Variants in THNSL1 observed in about 807,000 individuals in gnomAD.
The protein encoded by THNSL1 is threonine synthase-like 1.
Under a neutral mutation model 50.4 loss-of-function variants are expected in THNSL1, and 48 were observed. That is an observed-to-expected ratio of 0.95 (90% confidence interval 0.76 to 1.21). The LOEUF (loss-of-function observed/expected upper bound fraction) is 1.21. THNSL1 is among the 50% of genes most tolerant of loss of function. The pLI, the probability that THNSL1 is intolerant of heterozygous loss-of-function variation, is 0.00. For missense variants in THNSL1, 896 were observed against 871.7 expected (o/e 1.03, Z -0.35); for synonymous variants, 309 against 306.1 (o/e 1.01, Z -0.10).
chr10:24,956,929 TAGGTTG>T, the THNSL1 span, among the ~76,000 whole-genome samples: 1 of 152,156 alleles, frequency 6.6e-6, no homozygotes, highest in African/African-American at 2.4e-5. Context: ...GGGAGGGATC[TAGGTTG>T]CATGCTCCTT....
chr10:25,025,327 C>G lies in THNSL1; in HGVS notation c.2104C>G (p.Pro702Ala), dbSNP rs1490673567. Reference sequence around the variant, plus strand: ...TTTGCTGGGTTCATACAATGCATTACCTCCACTGCATGAGGCTTTATTAGA... The same window carrying G: ...TTTGCTGGGTTCATACAATGCATTAGCTCCACTGCATGAGGCTTTATTAGA... The part of the protein sequence containing the change: ...LYLLGSYNAL[P>A]PLHEALLERT... The change falls in exon 3 of 3, where the codon CCT (proline) becomes GCT (alanine). Residue 702 changes from proline (P) to alanine (A), a missense_variant. By Grantham distance (27) the Pro-to-Ala change is conservative. Coordinates refer to ENST00000376356, the MANE Select transcript of THNSL1 (RefSeq NM_024838.5). 1 of 1,614,156 alleles carries G rather than the reference C, an allele frequency of 6.2e-7. No individual in the cohort carries two copies. The highest frequency in any genetic ancestry group is 8.5e-7 in the Non-Finnish European group (1 of 1,180,026).
the THNSL1 span, chr10:24,983,599 CA>C: frequency 6.6e-6 from 1 of 152,104 alleles, no homozygotes; most frequent in Non-Finnish European, 1.5e-5. Context: ...GGACAAGTTT[CA>C]AGTGAATTTT....
the THNSL1 span, among the ~76,000 whole-genome samples, chr10:24,979,837 G>C: frequency 3.2e-4 from 49 of 152,194 alleles, no homozygotes; most frequent in African/African-American, 1.2e-3. Flanking sequence ...CTCTTAAACT[G>C]CTCCTGCCCT....
chr10:24,975,947 T>G, the THNSL1 span, among the ~76,000 whole-genome samples: 11 of 152,228 alleles, frequency 7.2e-5, no homozygotes, highest in Non-Finnish European at 1.5e-4. Context: ...AGTCATTGAA[T>G]AAAGTGACAT....
chr10:25,015,502 A>G (rs780968062), upstream of THNSL1, among the ~76,000 whole-genome samples: 2 of 152,244 alleles, frequency 1.3e-5, no homozygotes, highest in East Asian at 3.8e-4. Context: ...AACATCAAGT[A>G]TCCTTAAACA....
chr10:25,017,111 G>C (rs1850614431), intron 1 of THNSL1, among the ~76,000 whole-genome samples: 1 of 152,208 alleles, frequency 6.6e-6, no homozygotes, highest in South Asian at 2.1e-4. Context: ...CTTCCTCTAG[G>C]TCGTTCTCCA....
the THNSL1 span, among the ~76,000 whole-genome samples, chr10:24,974,747 A>G: frequency 6.6e-6 from 1 of 151,880 alleles, no homozygotes; most frequent in African/African-American, 2.4e-5. Context: ...TATGTTATAA[A>G]ATATTCTTAG....
chr10:24,969,315 A>G, the THNSL1 span, among the ~76,000 whole-genome samples: 78,886 of 152,018 alleles, frequency 0.52, 22,539 homozygotes, highest in African/African-American at 0.77. Flanking sequence ...GCTCAGGATG[A>G]GTGTTACGTA....
chr10:25,011,070 A>T, the THNSL1 span, among the ~76,000 whole-genome samples: 4,220 of 148,140 alleles, frequency 0.028, 208 homozygotes, highest in East Asian at 0.24. Context: ...AACAGTGTAA[A>T]AGTGTTCCTA....
chr10:25,011,552 C>G, the THNSL1 span, among the ~76,000 whole-genome samples: 31 of 152,120 alleles, frequency 2.0e-4, no homozygotes, highest in African/African-American at 7.5e-4. Context: ...GAAAGTGGAA[C>G]CCTTCCTTAC....
chr10:24,958,531 A>C, the THNSL1 span, among the ~76,000 whole-genome samples: 1 of 152,248 alleles, frequency 6.6e-6, no homozygotes, highest in Non-Finnish European at 1.5e-5. Flanking sequence ...AACCCAACTT[A>C]AGCAAAGGCC....
At chr10:24,971,709 A>G in the THNSL1 span, among the ~76,000 whole-genome samples, 1 of 152,180 alleles carries the variant, frequency 6.6e-6, no homozygotes, top group Non-Finnish European at 1.5e-5. Flanking sequence ...AGCATATTCC[A>G]TTTATCTTAC....
the THNSL1 span, among the ~76,000 whole-genome samples, chr10:25,006,128 GA>G: frequency 9.7e-4 from 147 of 152,156 alleles, no homozygotes; most frequent in African/African-American, 3.4e-3. Flanking sequence ...TAGATAGCAG[GA>G]AAATCTATCC....
intron 2 of THNSL1, among the ~76,000 whole-genome samples, chr10:25,022,151 T>C (rs939618094): frequency 1.3e-5 from 2 of 152,208 alleles, no homozygotes; most frequent in Non-Finnish European, 2.9e-5. Context: ...GGTATTATAC[T>C]GCATTTTACG....
chr10:25,004,631 T>C, the THNSL1 span, among the ~76,000 whole-genome samples: 1 of 152,218 alleles, frequency 6.6e-6, no homozygotes, highest in Non-Finnish European at 1.5e-5. Context: ...TTCTTGTAAA[T>C]TTGTTTAAGT....
chr10:25,016,433 T>C (rs576884697), upstream of THNSL1, among the ~76,000 whole-genome samples: 70 of 152,340 alleles, frequency 4.6e-4, no homozygotes, highest in South Asian at 3.3e-3. Context: ...AATAAGGTTT[T>C]TGTGAGCAGG....
the THNSL1 span, among the ~76,000 whole-genome samples, chr10:24,959,612 G>A: frequency 2.0e-5 from 3 of 152,050 alleles, no homozygotes; most frequent in South Asian, 2.1e-4. Flanking sequence ...TCTTTAGTAC[G>A]CCAATATGCA....
At chr10:24,995,732 G>A in the THNSL1 span, 11 of 1,613,894 alleles carry the variant, frequency 6.8e-6, no homozygotes, top group Non-Finnish European at 9.3e-6. Flanking sequence ...ATTGGTTTAG[G>A]CTTTTTAGCC....
At chr10:24,972,094 AG>A in the THNSL1 span, among the ~76,000 whole-genome samples, 1 of 151,798 alleles carries the variant, frequency 6.6e-6, no homozygotes, top group Non-Finnish European at 1.5e-5. Context: ...CAGGAGGCTG[AG>A]GCATGAGAAT....
Sources: allele counts gnomAD v4.1 joint callset (sites outside exome capture counted in the v4.1 genomes callset), GRCh38; gene constraint gnomAD v4.1.1; transcripts MANE v1.5; gene names NCBI Gene and HGNC (gene_info 2026-07-23, HGNC 2026-07-21).